Variants in PKP1 observed in about 807,000 individuals in gnomAD.
PKP1 encodes the protein plakophilin-1.
In PKP1, 27 loss-of-function variants were observed where a neutral mutation model predicts 76.4. That is an observed-to-expected ratio of 0.35 (90% confidence interval 0.26 to 0.49). The LOEUF is 0.49. Among genes scored for constraint, PKP1 ranks in the 20% least tolerant of loss-of-function variants. The probability of loss-of-function intolerance (pLI) is 0.99; values close to 1 mark genes in which losing one functional copy is unlikely to be tolerated. For synonymous variants in PKP1, 404 were observed against 384.2 expected, an observed-to-expected ratio of 1.05 and a Z score of -0.60; for missense variants, 964 against 955.2, an observed-to-expected ratio of 1.01 and a Z score of -0.12.
rs74136371 is a variant in PKP1 at position 201,296,672 on chromosome 1, A to G, written c.306+2627A>G. Among the ~76,000 whole-genome samples, 450 of 152,372 alleles carry G rather than the reference A, an allele frequency of 3.0e-3. 1 individual carries two copies. Among genetic ancestry groups the G allele is most frequent in the African/African-American group, 1.0e-2 (414 of 41,590 alleles). ...TCAATGAACCTGCAGTCAAGTTAGA[A>G]GCACAGAGGTCAACAGACAAATAAG... On this transcript the variant is annotated intron_variant, in intron 2 of 13. Coordinates refer to ENST00000367324, the MANE Select transcript of PKP1 (RefSeq NM_001005337.3).
chr1:201,291,399 C>G (rs1242677699), intron 1 of PKP1, among the ~76,000 whole-genome samples: 1 of 152,234 alleles, frequency 6.6e-6, no homozygotes, highest in African/African-American at 2.4e-5. Context: ...CCTCTCCCTC[C>G]ATGTGTCTGT....
rs574916758 is a variant in PKP1, at chr1:201,326,090, G to A, written c.2106+252G>A. On this transcript the variant is annotated intron_variant, in intron 12 of 13. Transcript: ENST00000367324. ...AATCAAGGAAATGTGTGAGAGGCCT[G>A]GGGTGGGATCCTTTAGGAGCAAACT... Among the ~76,000 whole-genome samples the A allele has an allele frequency of 1.1e-3, 170 of 152,344 alleles. 6 individuals are homozygous for A. In the South Asian group the frequency reaches 0.034, roughly 30 times the overall value.
chr1:201,317,109 C>T (rs564309003), intron 4 of PKP1, among the ~76,000 whole-genome samples: 5 of 152,284 alleles, frequency 3.3e-5, no homozygotes, highest in African/African-American at 1.2e-4. Flanking sequence ...GCCTCCAAAG[C>T]TTTGCTGGCA....
chr1:201,303,756 T>G (rs1156719388), intron 2 of PKP1, among the ~76,000 whole-genome samples: 2 of 152,210 alleles, frequency 1.3e-5, no homozygotes, highest in African/African-American at 2.4e-5. Flanking sequence ...ATGTTAGATA[T>G]TGCTGTGTCC....
chr1:201,283,807 G>T lies in PKP1; in HGVS notation c.105G>T (p.Thr35=). 1 of 1,614,170 alleles carries T rather than the reference G, an allele frequency of 6.2e-7. No homozygotes were observed. The highest frequency in any genetic ancestry group is 8.5e-7 in the Non-Finnish European group (1 of 1,179,990). Residue 35 remains threonine (T), a synonymous_variant, in exon 1 of 14, where the codon ACG becomes ACT. Transcript: ENST00000367324. The part of the protein sequence containing the change: ...LPSDQKMKTG[T]SGRQRVQEQV... The stretch of plus-strand genomic sequence containing the variant: ...CGGACCAAAAGATGAAAACAGGCAC[G>T]TCTGGCAGGCAGCGCGTGCAGGAGC...
intron 2 of PKP1, among the ~76,000 whole-genome samples, chr1:201,296,185 T>G (rs138924290): frequency 0.013 from 2,036 of 152,192 alleles, 29 homozygotes; most frequent in Non-Finnish European, 0.021. Context: ...TGAGCACACA[T>G]GAAGATTTGG....
At chr1:201,319,758 G>T (rs374792525) in intron 6 of PKP1, 1 of 1,582,456 alleles carries the variant, frequency 6.3e-7, no homozygotes, top group East Asian at 2.2e-5. Flanking sequence ...TGCCCAGCCC[G>T]GCCACCCCCA....
At chr1:201,294,817 T>A (rs1329823402) in intron 2 of PKP1, among the ~76,000 whole-genome samples, 3 of 152,222 alleles carry the variant, frequency 2.0e-5, no homozygotes, top group Admixed American at 2.0e-4. Flanking sequence ...ACTGAACAAA[T>A]ATTTATTGAG....
intron 2 of PKP1, among the ~76,000 whole-genome samples, chr1:201,295,915 T>G (rs2102156784): frequency 6.6e-6 from 1 of 152,192 alleles, no homozygotes; most frequent in Non-Finnish European, 1.5e-5. Context: ...ATTTGGCCCA[T>G]GTTGAACATT....
chr1:201,310,376 G>T (rs1358153779), intron 2 of PKP1, among the ~76,000 whole-genome samples: 1 of 152,234 alleles, frequency 6.6e-6, no homozygotes, highest in East Asian at 1.9e-4. Context: ...CCACCCATTG[G>T]GCAACGACAA....
intron 7 of PKP1, among the ~76,000 whole-genome samples, chr1:201,321,558 G>A (rs1198963939): frequency 6.6e-6 from 1 of 151,950 alleles, no homozygotes; most frequent in Non-Finnish European, 1.5e-5. Context: ...GGCTTCTTCT[G>A]GAGGAGTTTG....
chr1:201,316,129 CGGACGGACGGAT>C (rs1389666086), intron 3 of PKP1: 12 of 66,276 alleles, frequency 1.8e-4, no homozygotes, highest in South Asian at 7.6e-4. Context: ...GATGGACGGA[CGGACGGACGGAT>C]GGACGGACGG....
At chr1:201,327,164 A>G (rs1657150407) in intron 12 of PKP1, among the ~76,000 whole-genome samples, 1 of 152,202 alleles carries the variant, frequency 6.6e-6, no homozygotes, top group South Asian at 2.1e-4. Flanking sequence ...GCCTGCAGAA[A>G]AAGGAGCAAA....
chr1:201,326,888 T>G (rs1019249259), intron 12 of PKP1, among the ~76,000 whole-genome samples: 3 of 152,202 alleles, frequency 2.0e-5, no homozygotes, highest in Non-Finnish European at 4.4e-5. Flanking sequence ...AAAGAGGAAC[T>G]GTGCAGGGTG....
intron 12 of PKP1, among the ~76,000 whole-genome samples, chr1:201,326,126 G>A (rs751808740): frequency 2.0e-5 from 3 of 152,218 alleles, no homozygotes; most frequent in South Asian, 2.1e-4. Flanking sequence ...GAAAAACAGA[G>A]TGGACAAAAA....
intron 6 of PKP1, 170 bp from the exon 7 acceptor site, chr1:201,320,097 T>C (rs1656889965): frequency 1.4e-6 from 1 of 695,472 alleles, no homozygotes; most frequent in African/African-American, 1.8e-5. Context: ...CTCTTCTCCT[T>C]CCTTCCTTCT....
rs1657300361 is a variant in PKP1 at position 201,330,859 on chromosome 1, A to G, written c.*818A>G. The G allele has an allele frequency of 1.3e-5, 2 of 152,256 alleles. No individual in the cohort carries two copies. The highest frequency in any genetic ancestry group is 2.9e-5 in the Non-Finnish European group (2 of 68,072). The allele number at this position is 152,256 out of a possible 1,614,324, so 9.4% of individuals were successfully genotyped here. On this transcript the variant is annotated 3_prime_UTR_variant, in exon 14 of 14. Transcript: ENST00000367324. ...TAGGAGCTGAAAGATGGTGCCTTCC[A>G]CCCTCTTGGGCTGTGTGCCCATCAG...
chr1:201,287,429 C>T lies in PKP1; in HGVS notation c.202+3525C>T, dbSNP rs577877658. Among the ~76,000 whole-genome samples, 3 of 152,304 alleles carry T rather than the reference C, an allele frequency of 2.0e-5. No homozygotes were observed. The East Asian group carries it at 5.8e-4, about 29-fold the overall frequency. On this transcript the variant is annotated intron_variant, in intron 1 of 13. Coordinates refer to ENST00000367324, the MANE Select transcript of PKP1 (RefSeq NM_001005337.3). ...TGAGCTTCTGCCCGAGTGTTCTGCTCATTAGAGTTTCTAGAAAGTTGTCCT... is the reference window on the plus strand; with the variant it reads ...TGAGCTTCTGCCCGAGTGTTCTGCTTATTAGAGTTTCTAGAAAGTTGTCCT...
Position 201,332,009 on chromosome 1 carries a change from T to A in PKP1, c.*1968T>A, listed in dbSNP as rs1657340786. 6.6e-6 allele frequency: 1 copy of A among 152,290 alleles called. No homozygotes were observed. Among genetic ancestry groups the A allele is most frequent in the Admixed American group, 6.5e-5 (1 of 15,286 alleles). The allele number at this position is 152,290 out of a possible 1,614,324, so 9.4% of individuals were successfully genotyped here. On this transcript the variant is annotated 3_prime_UTR_variant, in exon 14 of 14. Transcript: ENST00000367324. ...TACCAATCTGTGCGGGGCAGTGTCCTAAGCACTTAGACTACATCAGGGAAG... is the reference window on the plus strand; with the variant it reads ...TACCAATCTGTGCGGGGCAGTGTCCAAAGCACTTAGACTACATCAGGGAAG...
Sources: gnomAD v4.1 joint callset for allele counts (sites outside exome capture counted in the v4.1 genomes callset) on GRCh38, gnomAD v4.1.1 for gene constraint, MANE v1.5 for transcripts, NCBI Gene and HGNC (gene_info 2026-07-23, HGNC 2026-07-21) for gene names.